The following BTRC variants were observed in gnomAD, a reference collection of about 807,000 sequenced individuals.
BTRC encodes the protein F-box/WD repeat-containing protein 1A.
A neutral mutation model predicts 85.5 loss-of-function variants in BTRC; 42 were observed. The ratio of observed to expected loss-of-function variants is 0.49; its 90% CI spans 0.38 to 0.64. The LOEUF is 0.64. Among genes scored for constraint, BTRC ranks in the 30% least tolerant of loss-of-function variants. The probability of loss-of-function intolerance (pLI) is 0.00; values close to 1 mark genes in which losing one functional copy is unlikely to be tolerated. For missense variants in BTRC, 594 were observed against 743.5 expected, an observed-to-expected ratio of 0.80 and a Z score of 2.34; for synonymous variants, 255 against 263.3, an observed-to-expected ratio of 0.97 and a Z score of 0.30.
At chr10:101,448,455 G>T (rs1944881677) in intron 2 of BTRC, among the ~76,000 whole-genome samples, 1 of 151,984 alleles carries the variant, frequency 6.6e-6, no homozygotes, top group Non-Finnish European at 1.5e-5. Context: ...TTTGTTGTTT[G>T]GTGATGTTAA....
chr10:101,419,723 A>C (rs754250101), intron 1 of BTRC, among the ~76,000 whole-genome samples: 2 of 152,222 alleles, frequency 1.3e-5, no homozygotes, highest in Non-Finnish European at 2.9e-5. Flanking sequence ...GGTGGGAAAC[A>C]TCGGGGGGCA....
chr10:101,532,408 C>T lies in BTRC; in HGVS notation c.954C>T (p.Ser318=). 2.5e-6 allele frequency: 4 copies of T among 1,611,172 alleles called. No individual in the cohort carries two copies. The highest frequency in any genetic ancestry group is 3.4e-6 in the Non-Finnish European group (4 of 1,178,978). ...AGTATGATGATCAGAAAATAGTAAG[C>T]GGCCTTCGAGACAACACAATCAAGG... ...CLQYDDQKIV[S]GLRDNTIKIW... Residue 318 remains serine (S), a synonymous_variant, in exon 8 of 15, where the codon AGC becomes AGT. Transcript: ENST00000370187.
chr10:101,379,558 A>C (rs1942877325), intron 1 of BTRC, among the ~76,000 whole-genome samples: 1 of 152,216 alleles, frequency 6.6e-6, no homozygotes, highest in Non-Finnish European at 1.5e-5. Flanking sequence ...GGAGGCCTGC[A>C]TAATATACTA....
At chr10:101,501,072 T>C (rs1946387998) in intron 4 of BTRC, among the ~76,000 whole-genome samples, 1 of 152,000 alleles carries the variant, frequency 6.6e-6, no homozygotes, top group African/African-American at 2.4e-5. Context: ...GGCACACGCC[T>C]GTAGTCCCAG....
intron 13 of BTRC, among the ~76,000 whole-genome samples, chr10:101,547,164 G>A (rs772553406): frequency 3.9e-4 from 59 of 152,040 alleles, no homozygotes; most frequent in Non-Finnish European, 6.9e-4. Flanking sequence ...GGTTCATCAG[G>A]ATGTAACCCA....
chr10:101,363,024 T>C (rs747820607), intron 1 of BTRC, among the ~76,000 whole-genome samples: 11 of 152,198 alleles, frequency 7.2e-5, no homozygotes, highest in Non-Finnish European at 1.3e-4. Context: ...TGGTATCCGA[T>C]GGGAGGATCC....
chr10:101,452,107 A>C (rs1296115844), intron 2 of BTRC, among the ~76,000 whole-genome samples: 1 of 152,178 alleles, frequency 6.6e-6, no homozygotes, highest in Non-Finnish European at 1.5e-5. Context: ...TTTTCATTTG[A>C]TTATTTGCTA....
At chr10:101,375,045 C>T (rs1211356700) in intron 1 of BTRC, among the ~76,000 whole-genome samples, 1 of 152,124 alleles carries the variant, frequency 6.6e-6, no homozygotes, top group East Asian at 1.9e-4. Context: ...CTGTTGGCAA[C>T]TCAACCAGGT....
chr10:101,550,992 C>T, intron 14 of BTRC, 101 bp downstream of exon 14: 1 of 1,097,912 alleles, frequency 9.1e-7, no homozygotes, highest in Non-Finnish European at 1.3e-6. Context: ...GTTTGGGTCA[C>T]CAACTCCTGT....
rs114766338 is a variant in BTRC at position 101,450,274 on chromosome 10, C to T, written c.157-11707C>T. Among the ~76,000 whole-genome samples, 1,000 of 152,224 alleles carry T rather than the reference C, an allele frequency of 6.6e-3. 11 individuals carry two copies. The highest frequency in any genetic ancestry group is 0.023 in the African/African-American group (962 of 41,546). ...CACAAAACAGATAACTGTTTTAGCC[C>T]CCTCCCTTTTTTGGTCCCCATATTT... On this transcript the variant is annotated intron_variant, in intron 2 of 14. Coordinates refer to ENST00000370187, the MANE Select transcript of BTRC (RefSeq NM_033637.4).
intron 1 of BTRC, among the ~76,000 whole-genome samples, chr10:101,419,619 G>A (rs1478493469): frequency 6.6e-6 from 1 of 152,108 alleles, no homozygotes; most frequent in Admixed American, 6.6e-5. Flanking sequence ...AACCAAGAAG[G>A]CAATAGAGTC....
At chr10:101,446,509 A>G (rs1174978720) in intron 2 of BTRC, among the ~76,000 whole-genome samples, 2 of 152,164 alleles carry the variant, frequency 1.3e-5, no homozygotes, top group Non-Finnish European at 2.9e-5. Context: ...GAGACTGTTG[A>G]ACTATTCAGA....
chr10:101,381,044 A>G (rs924519654), intron 1 of BTRC, among the ~76,000 whole-genome samples: 6 of 152,144 alleles, frequency 3.9e-5, no homozygotes, highest in Admixed American at 6.5e-5. Context: ...CCACTGTTGC[A>G]TATCTGACCA....
chr10:101,386,564 C>T (rs1391639935), intron 1 of BTRC, among the ~76,000 whole-genome samples: 14 of 152,174 alleles, frequency 9.2e-5, no homozygotes, highest in Admixed American at 9.2e-4. Context: ...ATCCCACATG[C>T]TACTTAGAAA....
At chr10:101,496,098 T>C (rs927390266) in intron 4 of BTRC, among the ~76,000 whole-genome samples, 1 of 152,224 alleles carries the variant, frequency 6.6e-6, no homozygotes, top group African/African-American at 2.4e-5. Context: ...GTTATTGATA[T>C]GTAATATTTC....
At chr10:101,482,155 G>A (rs1231415314) in intron 4 of BTRC, among the ~76,000 whole-genome samples, 1 of 152,012 alleles carries the variant, frequency 6.6e-6, no homozygotes, top group Non-Finnish European at 1.5e-5. Context: ...GAGTGGCTGG[G>A]ATTACAGAAG....
chr10:101,545,573 CA>C (rs2062546000), intron 13 of BTRC, among the ~76,000 whole-genome samples: 1 of 152,044 alleles, frequency 6.6e-6, no homozygotes, highest in South Asian at 2.1e-4. Flanking sequence ...GTCCTTAAAA[CA>C]AGAGGAGATT....
intron 1 of BTRC, among the ~76,000 whole-genome samples, chr10:101,372,510 T>C (rs1198063235): frequency 6.8e-6 from 1 of 146,786 alleles, no homozygotes; most frequent in Non-Finnish European, 1.5e-5. Context: ...CGCCTCGGCC[T>C]CCCAAAGTGT....
At chr10:101,366,666 G>T (rs954807399) in intron 1 of BTRC, among the ~76,000 whole-genome samples, 10 of 147,700 alleles carry the variant, frequency 6.8e-5, no homozygotes, top group Admixed American at 2.1e-4. Context: ...CAGAAGTTGG[G>T]CAGGTGCAGT....
Sources: gnomAD v4.1 joint callset for allele counts (sites outside exome capture counted in the v4.1 genomes callset) on GRCh38, gnomAD v4.1.1 for gene constraint, MANE v1.5 for transcripts, NCBI Gene and HGNC (gene_info 2026-07-23, HGNC 2026-07-21) for gene names.